FOXP1: variants seen among roughly 807,000 people sequenced by gnomAD.
FOXP1 encodes forkhead box P1.
In FOXP1, 15 loss-of-function variants were observed where a neutral mutation model predicts 98.2. That is an observed-to-expected ratio of 0.15 (90% CI 0.10 to 0.24). FOXP1 has a LOEUF of 0.24. FOXP1 is among the 10% of genes least tolerant of loss of function. The pLI, the probability that FOXP1 is intolerant of heterozygous loss-of-function variation, is 1.00. For synonymous variants in FOXP1, 371 were observed against 314.5 expected (o/e 1.18, Z -1.90); for missense variants, 633 against 848.5 (o/e 0.75, Z 3.15).
intron 3 of FOXP1, among the ~76,000 whole-genome samples, chr3:71,402,828 G>C (rs1212934148): frequency 6.6e-6 from 1 of 152,208 alleles, no homozygotes; most frequent in Non-Finnish European, 1.5e-5. Context: ...ATATCTAAAA[G>C]CAAATAGGAC....
chr3:71,202,606 C>T (rs553969894), intron 5 of FOXP1, among the ~76,000 whole-genome samples: 6 of 152,254 alleles, frequency 3.9e-5, no homozygotes, highest in Non-Finnish European at 5.9e-5. Context: ...AAAGCTCAAT[C>T]GGTTAAGGGA....
At chr3:71,351,760 G>A (rs1463330584) in intron 4 of FOXP1, among the ~76,000 whole-genome samples, 1 of 152,196 alleles carries the variant, frequency 6.6e-6, no homozygotes, top group Non-Finnish European at 1.5e-5. Context: ...ACAGGTGATT[G>A]AGCAGAACAA....
chr3:71,373,142 G>A (rs1577186376), intron 3 of FOXP1, among the ~76,000 whole-genome samples: 1 of 152,306 alleles, frequency 6.6e-6, no homozygotes, highest in East Asian at 1.9e-4. Flanking sequence ...TGTCACAGGT[G>A]TTTGACTAAA....
At chr3:71,280,321 C>CTT (rs145186097) in intron 5 of FOXP1, among the ~76,000 whole-genome samples, 121 of 147,820 alleles carry the variant, frequency 8.2e-4, no homozygotes, top group South Asian at 2.3e-3. Flanking sequence ...TTTACAATAT[C>CTT]TTTTTTTTTT....
intron 3 of FOXP1, among the ~76,000 whole-genome samples, chr3:71,397,756 C>G (rs1162051612): frequency 5.3e-5 from 8 of 152,190 alleles, no homozygotes; most frequent in Non-Finnish European, 1.0e-4. Flanking sequence ...CCTTTGAAGT[C>G]TTCAACTTAT....
At chr3:71,212,222 T>C (rs1021237661) in intron 5 of FOXP1, among the ~76,000 whole-genome samples, 1 of 152,184 alleles carries the variant, frequency 6.6e-6, no homozygotes. Flanking sequence ...TGGTGAATGA[T>C]TTACGAGCCA....
chr3:71,508,381 A>C (rs1560582577), intron 2 of FOXP1, among the ~76,000 whole-genome samples: 1 of 152,180 alleles, frequency 6.6e-6, no homozygotes, highest in Non-Finnish European at 1.5e-5. Context: ...CCTCACTGTG[A>C]CAGAAGCAGA....
intron 6 of FOXP1, among the ~76,000 whole-genome samples, chr3:71,159,478 G>A (rs985306637): frequency 2.0e-5 from 3 of 152,170 alleles, no homozygotes; most frequent in African/African-American, 7.2e-5. Context: ...AAGAAAGAGA[G>A]CTAGCAAGTG....
intron 13 of FOXP1, among the ~76,000 whole-genome samples, chr3:70,992,658 G>A (rs1206763178): frequency 3.9e-5 from 6 of 152,090 alleles, no homozygotes; most frequent in Non-Finnish European, 7.3e-5. Flanking sequence ...ATTGTACTCT[G>A]TCACCATCTT....
At chr3:71,287,610 T>C (rs1185347856) in intron 5 of FOXP1, among the ~76,000 whole-genome samples, 1 of 151,872 alleles carries the variant, frequency 6.6e-6, no homozygotes, top group Non-Finnish European at 1.5e-5. Context: ...CGAAACCCTG[T>C]CTCTACTAAA....
chr3:71,046,183 A>C (rs1011434917), intron 10 of FOXP1, among the ~76,000 whole-genome samples: 1 of 152,124 alleles, frequency 6.6e-6, no homozygotes, highest in Admixed American at 6.5e-5. Flanking sequence ...TGAAAGTCAG[A>C]GTTGCTTAAA....
rs534872262 is a variant in FOXP1 at position 71,250,615 on chromosome 3, A to G, written c.-12+49205T>C. Among the ~76,000 whole-genome samples, 4 of 152,360 alleles carry G rather than the reference A, an allele frequency of 2.6e-5. No individual in the cohort carries two copies. The East Asian group carries it at 7.7e-4, about 29-fold the overall frequency. Reference sequence around the variant, plus strand: ...AAATTGTATTTTCTTCTCAACGGAAATTAATAAACTCTAAAATTGAAAGTG... The same window carrying G: ...AAATTGTATTTTCTTCTCAACGGAAGTTAATAAACTCTAAAATTGAAAGTG... On this transcript the variant is annotated intron_variant, in intron 5 of 20. Transcript: ENST00000649528.
chr3:71,025,259 C>G (rs75745044), intron 11 of FOXP1, among the ~76,000 whole-genome samples: 1 of 152,056 alleles, frequency 6.6e-6, no homozygotes, highest in Non-Finnish European at 1.5e-5. Context: ...CCTTCCTTTC[C>G]CATTGCTATT....
At chr3:71,518,714 G>A (rs1180577206) in intron 2 of FOXP1, among the ~76,000 whole-genome samples, 2 of 152,198 alleles carry the variant, frequency 1.3e-5, no homozygotes, top group Non-Finnish European at 2.9e-5. Flanking sequence ...TCAATTTGGA[G>A]AAAAATACCT....
chr3:71,303,880 A>G (rs2074056144), intron 4 of FOXP1, among the ~76,000 whole-genome samples: 1 of 152,180 alleles, frequency 6.6e-6, no homozygotes, highest in South Asian at 2.1e-4. Flanking sequence ...CAAGAAAGAA[A>G]AGGAAGGAAG....
chr3:71,580,954 G>A (rs2048115175), intron 2 of FOXP1: 1 of 985,308 alleles, frequency 1.0e-6, no homozygotes, highest in Non-Finnish European at 1.2e-6. Flanking sequence ...GAGCAGACAT[G>A]AGCGCAATTC....
intron 5 of FOXP1, among the ~76,000 whole-genome samples, chr3:71,236,693 G>C (rs931699339): frequency 5.3e-5 from 8 of 151,954 alleles, no homozygotes; most frequent in Admixed American, 4.6e-4. Context: ...AACATCGGGA[G>C]ACCTTATCTC....
At chr3:71,427,500 G>C (rs1042634728) in intron 3 of FOXP1, among the ~76,000 whole-genome samples, 4 of 152,206 alleles carry the variant, frequency 2.6e-5, no homozygotes, top group African/African-American at 9.6e-5. Flanking sequence ...TGCCGGGCTA[G>C]GGAGCCTGGG....
intron 5 of FOXP1, among the ~76,000 whole-genome samples, chr3:71,263,891 C>T (rs1279396974): frequency 6.6e-6 from 1 of 151,770 alleles, no homozygotes; most frequent in Non-Finnish European, 1.5e-5. Flanking sequence ...ACTACAGGCA[C>T]ATGCCACGAC....
Sources: gnomAD v4.1 joint callset for allele counts (sites outside exome capture counted in the v4.1 genomes callset) on GRCh38, gnomAD v4.1.1 for gene constraint, MANE v1.5 for transcripts, NCBI Gene and HGNC (gene_info 2026-07-23, HGNC 2026-07-21) for gene names.